SPATA16: variants seen among roughly 807,000 people sequenced by gnomAD.
The protein encoded by SPATA16 is spermatogenesis-associated protein 16.
Under a neutral mutation model 63.3 loss-of-function variants are expected in SPATA16, and 36 were observed. The observed-to-expected ratio is 0.57, with a 90% CI of 0.44 to 0.75. The LOEUF (loss-of-function observed/expected upper bound fraction) is 0.75, where lower values mean the gene tolerates loss of function less well. SPATA16 is among the 30% of genes least tolerant of loss of function. SPATA16 has a pLI of 0.00. For synonymous variants in SPATA16, 203 were observed against 216.7 expected (o/e 0.94, Z 0.56); for missense variants, 646 against 679.3 (o/e 0.95, Z 0.54).
intron 2 of SPATA16, among the ~76,000 whole-genome samples, chr3:173,099,712 CA>C: frequency 6.6e-6 from 1 of 152,180 alleles, no homozygotes; most frequent in Non-Finnish European, 1.5e-5. Flanking sequence ...AAAACAAAAG[CA>C]ACAAGTGGCA....
intron 10 of SPATA16, among the ~76,000 whole-genome samples, chr3:172,907,683 CT>C (rs1732273839): frequency 6.6e-6 from 1 of 151,978 alleles, no homozygotes; most frequent in Non-Finnish European, 1.5e-5. Flanking sequence ...TCAAGCGATT[CT>C]TCTGCCTCAG....
At chr3:172,940,087 C>G (rs1393017221) in intron 6 of SPATA16, among the ~76,000 whole-genome samples, 1 of 152,172 alleles carries the variant, frequency 6.6e-6, no homozygotes, top group East Asian at 1.9e-4. Context: ...CCTGGAGGCT[C>G]CACATCTCTC....
chr3:172,956,603 A>G, intron 6 of SPATA16, 74 bp downstream of exon 6: 2 of 1,520,044 alleles, frequency 1.3e-6, no homozygotes, highest in Non-Finnish European at 1.8e-6. Context: ...TAAACTAATA[A>G]ACCAGAAAGA....
chr3:173,006,949 A>G (rs769598397), intron 4 of SPATA16, among the ~76,000 whole-genome samples: 71 of 152,238 alleles, frequency 4.7e-4, no homozygotes, highest in Middle Eastern at 3.2e-3. Context: ...ATTCTTGTTC[A>G]AAAATGAATA....
chr3:172,977,174 A>G (rs1214004001), intron 4 of SPATA16, 122 bp from the exon 5 acceptor site: 1 of 841,060 alleles, frequency 1.2e-6, no homozygotes, highest in Non-Finnish European at 1.9e-6. Context: ...ATTTGTCTAG[A>G]CTAATATTAA....
chr3:172,923,027 T>C (rs113828409), intron 8 of SPATA16, among the ~76,000 whole-genome samples: 154 of 152,320 alleles, frequency 1.0e-3, no homozygotes, highest in African/African-American at 3.6e-3. Context: ...CAGCACCCGA[T>C]ACACTGGCTC....
chr3:172,939,742 A>T (rs560401770), intron 6 of SPATA16, among the ~76,000 whole-genome samples: 2 of 152,318 alleles, frequency 1.3e-5, no homozygotes, highest in South Asian at 2.1e-4. Context: ...TGATAGGAGC[A>T]TCTGTTGCTA....
At chr3:173,010,225 C>A (rs908901778) in intron 4 of SPATA16, among the ~76,000 whole-genome samples, 1 of 152,190 alleles carries the variant, frequency 6.6e-6, no homozygotes, top group Non-Finnish European at 1.5e-5. Context: ...ACAGACCTAC[C>A]GTGATTGCCA....
At chr3:173,022,693 C>T (rs1735360792) in intron 3 of SPATA16, among the ~76,000 whole-genome samples, 1 of 151,682 alleles carries the variant, frequency 6.6e-6, no homozygotes, top group Non-Finnish European at 1.5e-5. Flanking sequence ...ATTTGGAAAG[C>T]TGCAGGAGGC....
At chr3:173,131,957 A>T (rs1738397253) in intron 1 of SPATA16, among the ~76,000 whole-genome samples, 1 of 152,176 alleles carries the variant, frequency 6.6e-6, no homozygotes, top group Admixed American at 6.6e-5. Flanking sequence ...ACATCTCAAG[A>T]TAACAATTAA....
At chr3:173,131,447 G>A (rs540548334) in intron 1 of SPATA16, among the ~76,000 whole-genome samples, 9 of 152,288 alleles carry the variant, frequency 5.9e-5, no homozygotes, top group South Asian at 4.1e-4. Context: ...TTTGCTAATC[G>A]TAGGCATGGG....
chr3:173,014,773 C>T (rs913900745), intron 4 of SPATA16, among the ~76,000 whole-genome samples: 17 of 152,078 alleles, frequency 1.1e-4, no homozygotes, highest in Non-Finnish European at 1.9e-4. Flanking sequence ...ATGATATGGC[C>T]GGTGTGCTTG....
At chr3:173,063,580 CT>C (rs1186266924) in intron 2 of SPATA16, among the ~76,000 whole-genome samples, 2 of 152,172 alleles carry the variant, frequency 1.3e-5, no homozygotes, top group Non-Finnish European at 2.9e-5. Flanking sequence ...CTAGTCTATT[CT>C]TTTGCTGAAC....
chr3:173,128,766 G>T (rs1285691203), intron 1 of SPATA16, among the ~76,000 whole-genome samples: 1 of 152,252 alleles, frequency 6.6e-6, no homozygotes, highest in African/African-American at 2.4e-5. Context: ...AATACTAAAT[G>T]CTAGAGCAAG....
chr3:173,134,455 C>T (rs143897581), intron 1 of SPATA16, among the ~76,000 whole-genome samples: 1,581 of 151,920 alleles, frequency 0.01, 25 homozygotes, highest in African/African-American at 0.036. Flanking sequence ...CACCACTGCA[C>T]TCCGGCCTGG....
At chr3:173,123,519 C>T (rs944843125) in intron 1 of SPATA16, among the ~76,000 whole-genome samples, 8 of 151,930 alleles carry the variant, frequency 5.3e-5, no homozygotes, top group Non-Finnish European at 8.8e-5. Context: ...GGTGGCACTC[C>T]CTCTAAAATG....
intron 6 of SPATA16, among the ~76,000 whole-genome samples, chr3:172,933,582 CA>C (rs1732917351): frequency 6.6e-6 from 1 of 152,082 alleles, no homozygotes; most frequent in African/African-American, 2.4e-5. Context: ...AGCGGAACAC[CA>C]GGTAGAATTT....
chr3:172,913,593 A>G, intron 10 of SPATA16, 68 bp downstream of exon 10: 5 of 1,493,318 alleles, frequency 3.3e-6, no homozygotes, highest in Non-Finnish European at 4.7e-6. Context: ...TCCTCCAAAC[A>G]GATTTGACCC....
intron 3 of SPATA16, among the ~76,000 whole-genome samples, chr3:173,036,104 T>C (rs791831): frequency 6.6e-6 from 1 of 151,884 alleles, no homozygotes; most frequent in Non-Finnish European, 1.5e-5. Context: ...CTGCACTTGT[T>C]CCATTGTTTA....
Sources: allele counts gnomAD v4.1 joint callset (sites outside exome capture counted in the v4.1 genomes callset), GRCh38; gene constraint gnomAD v4.1.1; transcripts MANE v1.5; gene names NCBI Gene and HGNC (gene_info 2026-07-23, HGNC 2026-07-21).